DNAJC1: variants seen among roughly 807,000 people sequenced by gnomAD.
The protein encoded by DNAJC1 is DnaJ heat shock protein family (Hsp40) member C1.
In DNAJC1, 58 loss-of-function variants were observed where a neutral mutation model predicts 76.6. The ratio of observed to expected loss-of-function variants is 0.76; its 90% CI spans 0.61 to 0.94. The LOEUF (loss-of-function observed/expected upper bound fraction) is 0.94, where lower values mean the gene tolerates loss of function less well. Ranked by LOEUF, DNAJC1 falls within the 40% of genes least tolerant of loss-of-function variation. The pLI is 0.00. For synonymous variants in DNAJC1, 258 were observed against 267.9 expected (o/e 0.96, Z 0.36); for missense variants, 689 against 677.3 (o/e 1.02, Z -0.19).
rs556344114 is a variant in DNAJC1 at position 21,782,817 on chromosome 10, T to A, written c.1099-16508A>T. On this transcript the variant is annotated intron_variant, in intron 9 of 11. Transcript: ENST00000376980. ...GACAAAAACCACATGATTATCTCAA[T>A]AGATGCAGAAAGGCCTTTGACAAAA... Among the ~76,000 whole-genome samples the A allele has an allele frequency of 2.6e-5, 4 of 152,286 alleles. No individual in the cohort carries two copies. The South Asian group carries it at 8.3e-4, about 32-fold the overall frequency.
rs749587350 is a variant in DNAJC1 at position 21,929,054 on chromosome 10, T to C, written c.310A>G (p.Thr104Ala). The C allele has an allele frequency of 6.2e-7, 1 of 1,606,772 alleles. No individual in the cohort carries two copies. Among genetic ancestry groups the C allele is most frequent in the East Asian group, 2.2e-5 (1 of 44,730 alleles). Residue 104 changes from threonine (T) to alanine (A), a missense_variant, in exon 2 of 12, where the codon ACT becomes GCT. Coordinates refer to ENST00000376980, the MANE Select transcript of DNAJC1 (RefSeq NM_022365.4). ...ATTTCACTTACTTGTCTAAACTGAGTTTCTGCATTTTCATCTTTATTCTTG... is the reference window on the plus strand; with the variant it reads ...ATTTCACTTACTTGTCTAAACTGAGCTTCTGCATTTTCATCTTTATTCTTG... ...PDKNKDENAE[T>A]QFRQLVAIYE...
chr10:21,834,888 C>A (rs970589890), intron 8 of DNAJC1, among the ~76,000 whole-genome samples: 1 of 152,222 alleles, frequency 6.6e-6, no homozygotes, highest in African/African-American at 2.4e-5. Context: ...TCTGTAGGCT[C>A]CACCTCTGGG....
At chr10:21,794,070 T>A (rs1192055635) in intron 9 of DNAJC1, among the ~76,000 whole-genome samples, 2 of 150,220 alleles carry the variant, frequency 1.3e-5, no homozygotes, top group African/African-American at 2.4e-5. Context: ...AGGTCAGGAG[T>A]TTGAGACCAG....
rs189536766 is a variant in DNAJC1 at position 21,821,937 on chromosome 10, A to G, written c.979-15838T>C. Among the ~76,000 whole-genome samples the G allele has an allele frequency of 1.4e-4, 22 of 152,272 alleles. No homozygotes were observed. In the East Asian group the frequency reaches 4.2e-3, roughly 29 times the overall value. On this transcript the variant is annotated intron_variant, in intron 8 of 11. Transcript: ENST00000376980. ...CGGTAAATGGTATAGTGGAACTTAG[A>G]AACCTGCAGTGTTCTTTCCACTATA... is the stretch of plus-strand genomic sequence containing the variant.
chr10:21,984,771 C>T (rs1230158091), intron 1 of DNAJC1, among the ~76,000 whole-genome samples: 3 of 152,252 alleles, frequency 2.0e-5, no homozygotes, highest in East Asian at 1.9e-4. Flanking sequence ...CTTTAAGACA[C>T]TGTACACTAA....
chr10:21,950,981 G>A (rs186147794), intron 1 of DNAJC1, among the ~76,000 whole-genome samples: 5 of 152,334 alleles, frequency 3.3e-5, no homozygotes, highest in African/African-American at 7.2e-5. Context: ...AGAAAGTTCC[G>A]ATGGAGAAGC....
intron 1 of DNAJC1, among the ~76,000 whole-genome samples, chr10:21,967,203 A>G (rs1210766999): frequency 6.6e-6 from 1 of 152,032 alleles, no homozygotes; most frequent in African/African-American, 2.4e-5. Context: ...TCTGCAGTCA[A>G]TCCCGGTTCC....
intron 6 of DNAJC1, among the ~76,000 whole-genome samples, chr10:21,905,726 A>G (rs922308816): frequency 3.3e-5 from 5 of 152,204 alleles, no homozygotes; most frequent in Non-Finnish European, 7.3e-5. Context: ...CAGGTACTCA[A>G]TAAGTATTTA....
At chr10:21,990,368 T>C (rs536085527) in intron 1 of DNAJC1, among the ~76,000 whole-genome samples, 1 of 152,270 alleles carries the variant, frequency 6.6e-6, no homozygotes, top group African/African-American at 2.4e-5. Flanking sequence ...AGTTTGGATG[T>C]ATTTTTTTTA....
chr10:21,837,022 T>C (rs961033323), intron 8 of DNAJC1, among the ~76,000 whole-genome samples: 7 of 152,224 alleles, frequency 4.6e-5, no homozygotes, highest in Non-Finnish European at 1.0e-4. Flanking sequence ...CTGATTCTCC[T>C]GCCTCAGCCT....
At chr10:21,947,529 A>G (rs1210714618) in intron 1 of DNAJC1, among the ~76,000 whole-genome samples, 1 of 152,218 alleles carries the variant, frequency 6.6e-6, no homozygotes, top group Non-Finnish European at 1.5e-5. Context: ...TTTTCTTAAT[A>G]ACATTTTCTT....
At chr10:22,002,517 T>C (rs997957375) in intron 1 of DNAJC1, among the ~76,000 whole-genome samples, 2 of 152,200 alleles carry the variant, frequency 1.3e-5, no homozygotes, top group African/African-American at 4.8e-5. Flanking sequence ...ACCGGGGGCT[T>C]CTCTTCCAAT....
intron 8 of DNAJC1, among the ~76,000 whole-genome samples, chr10:21,869,718 T>C (rs1239234428): frequency 6.6e-6 from 1 of 152,130 alleles, no homozygotes; most frequent in African/African-American, 2.4e-5. Context: ...GAAATAGTTC[T>C]ATACCTCGTT....
intron 8 of DNAJC1, among the ~76,000 whole-genome samples, chr10:21,823,150 A>C (rs1835188439): frequency 6.6e-6 from 1 of 152,188 alleles, no homozygotes; most frequent in Non-Finnish European, 1.5e-5. Context: ...AGAGACTTGA[A>C]CTGAAGTCTG....
chr10:21,826,316 T>G (rs946588575), intron 8 of DNAJC1, among the ~76,000 whole-genome samples: 3 of 151,048 alleles, frequency 2.0e-5, no homozygotes, highest in Non-Finnish European at 2.9e-5. Context: ...GGTGCATTTT[T>G]ACTCTCTCTC....
intron 6 of DNAJC1, among the ~76,000 whole-genome samples, chr10:21,916,646 A>G (rs1836960653): frequency 6.6e-6 from 1 of 152,196 alleles, no homozygotes; most frequent in Admixed American, 6.5e-5. Flanking sequence ...ACCAATCCAG[A>G]TAACTTCGGG....
intron 9 of DNAJC1, among the ~76,000 whole-genome samples, chr10:21,766,968 TAAAAA>T (rs1275709137): frequency 2.9e-5 from 2 of 69,880 alleles, no homozygotes; most frequent in Admixed American, 1.7e-4. Context: ...AGACCCTGCC[TAAAAA>T]AAAAAAAAAA....
At chr10:21,821,994 G>C (rs918038784) in intron 8 of DNAJC1, among the ~76,000 whole-genome samples, 1 of 152,056 alleles carries the variant, frequency 6.6e-6, no homozygotes, top group African/African-American at 2.4e-5. Flanking sequence ...ATTTATCAAA[G>C]GTCATATTAT....
intron 5 of DNAJC1, among the ~76,000 whole-genome samples, chr10:21,919,592 G>C (rs1270260031): frequency 6.6e-6 from 1 of 151,862 alleles, no homozygotes; most frequent in Admixed American, 6.6e-5. Flanking sequence ...TTTCAAACTA[G>C]AAGAATTTGA....
Sources: allele counts gnomAD v4.1 joint callset (sites outside exome capture counted in the v4.1 genomes callset), GRCh38; gene constraint gnomAD v4.1.1; transcripts MANE v1.5; gene names NCBI Gene and HGNC (gene_info 2026-07-23, HGNC 2026-07-21).